The following STUM variants were observed in gnomAD, a reference collection of about 807,000 sequenced individuals.
STUM encodes the protein stum, mechanosensory transduction mediator homolog.
In STUM, 8 loss-of-function variants were observed where a neutral mutation model predicts 15.3. That is an observed-to-expected ratio of 0.52 (90% CI 0.31 to 0.94). The LOEUF (loss-of-function observed/expected upper bound fraction) is 0.94. STUM is among the 40% of genes least tolerant of loss of function. The pLI is 0.05. For synonymous variants in STUM, 78 were observed against 88.7 expected, an observed-to-expected ratio of 0.88 and a Z score of 0.68; for missense variants, 142 against 204.9, an observed-to-expected ratio of 0.69 and a Z score of 1.87.
intron 1 of STUM, among the ~76,000 whole-genome samples, chr1:226,594,963 GGGACTTATGAGGGGAAGTT>G (rs1480141379): frequency 4.6e-5 from 7 of 152,192 alleles, no homozygotes; most frequent in Admixed American, 3.9e-4. Context: ...GCCCTGGAAG[GGGACTTATGAGGGGAAGTT>G]GGCTCATGTG....
chr1:226,548,979 G>C lies in STUM; in HGVS notation c.75G>C (p.Ala25=), dbSNP rs528076537. 1.3e-6 allele frequency: 2 copies of C among 1,522,000 alleles called. No homozygotes were observed. The highest frequency in any genetic ancestry group is 2.5e-5 in the South Asian group (2 of 81,406). The allele number at this position is 1,522,000 out of a possible 1,614,324, so 94.3% of individuals were successfully genotyped here. The part of the protein sequence containing the change: ...AAVAAADPRG[A]SSSSGVVVQV... ...TGGCGGCGGCGGACCCCCGGGGGGC[G>C]TCCTCGTCCAGCGGGGTGGTGGTGC... The change falls in exon 1 of 4, where the codon GCG becomes GCC. Residue 25 remains alanine (A), a synonymous_variant. Coordinates refer to ENST00000366788, the MANE Select transcript of STUM (RefSeq NM_001003665.4).
intron 2 of STUM, among the ~76,000 whole-genome samples, chr1:226,599,803 C>G (rs1184474806): frequency 6.6e-6 from 1 of 152,236 alleles, no homozygotes; most frequent in Non-Finnish European, 1.5e-5. Context: ...CTGCCATGCC[C>G]ATGGCAGACA....
intron 1 of STUM, among the ~76,000 whole-genome samples, chr1:226,596,263 G>GTACTACTAC (rs3068293): frequency 2.0e-5 from 3 of 151,294 alleles, no homozygotes; most frequent in African/African-American, 7.3e-5. Flanking sequence ...ACTGCACAGT[G>GTACTACTAC]TACTACTACT....
chr1:226,556,977 T>C (rs1185103739), intron 1 of STUM, among the ~76,000 whole-genome samples: 1 of 152,258 alleles, frequency 6.6e-6, no homozygotes, highest in Non-Finnish European at 1.5e-5. Context: ...ACACTTTTTG[T>C]GGTGAGGACA....
chr1:226,581,529 AGAGTGTAT>A (rs1447186361), intron 1 of STUM, among the ~76,000 whole-genome samples: 3 of 152,196 alleles, frequency 2.0e-5, no homozygotes, highest in African/African-American at 7.2e-5. Flanking sequence ...TGACAGGGCA[AGAGTGTAT>A]GAGCTTAGCT....
intron 1 of STUM, among the ~76,000 whole-genome samples, chr1:226,580,550 C>T (rs1291942666): frequency 6.6e-6 from 1 of 151,958 alleles, no homozygotes; most frequent in African/African-American, 2.4e-5. Flanking sequence ...CCCCACTCTC[C>T]CTGGCATATA....
chr1:226,600,661 T>C lies in STUM; in HGVS notation c.383-5T>C. 1 of 1,611,238 alleles carries C rather than the reference T, an allele frequency of 6.2e-7. No homozygotes were observed. The highest frequency in any genetic ancestry group is 8.5e-7 in the Non-Finnish European group (1 of 1,180,008). ...CCTGCTGCCTCCCACTCTGTGCTGC[T>C]GCAGTTTCCCAAGGTGAGTCTGCGG... On this transcript the variant is annotated splice_polypyrimidine_tract_variant and splice_region_variant and intron_variant, in intron 2 of 3. Transcript: ENST00000366788. The surrounding 1 kb of genome is among the most constrained non-coding windows in gnomAD (Gnocchi z 5.2).
intron 1 of STUM, among the ~76,000 whole-genome samples, chr1:226,581,185 C>T (rs1407400239): frequency 6.6e-6 from 1 of 152,230 alleles, no homozygotes; most frequent in Non-Finnish European, 1.5e-5. Flanking sequence ...CAAACAGTCT[C>T]ATGGCCTCTC....
chr1:226,601,348 A>G (rs1384849426), intron 3 of STUM, among the ~76,000 whole-genome samples: 1 of 152,100 alleles, frequency 6.6e-6, no homozygotes. Context: ...GATGGTCTCA[A>G]TCTCCTGACA....
At chr1:226,592,152 A>G (rs1275230691) in intron 1 of STUM, among the ~76,000 whole-genome samples, 1 of 152,132 alleles carries the variant, frequency 6.6e-6, no homozygotes, top group Non-Finnish European at 1.5e-5. Context: ...GCTTCAAACG[A>G]TTCTTCTGCC....
At chr1:226,574,429 G>A (rs971376497) in intron 1 of STUM, among the ~76,000 whole-genome samples, 2 of 152,210 alleles carry the variant, frequency 1.3e-5, no homozygotes, top group Non-Finnish European at 1.5e-5. Flanking sequence ...TTCAAAAAGA[G>A]GGCTGTTTTT....
At chr1:226,598,616 T>A (rs567472981) in intron 2 of STUM, among the ~76,000 whole-genome samples, 3 of 152,230 alleles carry the variant, frequency 2.0e-5, no homozygotes, top group Non-Finnish European at 2.9e-5. Context: ...GAAGTGCAGA[T>A]GGGGATCCAG....
intron 2 of STUM, among the ~76,000 whole-genome samples, chr1:226,597,635 G>C (rs1278021952): frequency 6.6e-6 from 1 of 152,186 alleles, no homozygotes; most frequent in Non-Finnish European, 1.5e-5. Context: ...ATGATCTATA[G>C]TCAACTCAGC....
At chr1:226,572,997 G>A (rs1291169955) in intron 1 of STUM, among the ~76,000 whole-genome samples, 1 of 152,222 alleles carries the variant, frequency 6.6e-6, no homozygotes, top group African/African-American at 2.4e-5. Flanking sequence ...GAGGTCACAT[G>A]GGAAGCAGTA....
rs763639074 is a variant in STUM, at chr1:226,600,621, C to T, written c.383-45C>T. On this transcript the variant is annotated intron_variant, in intron 2 of 3. Transcript: ENST00000366788. This position sits in a 1 kb window ranked among gnomAD's most constrained non-coding sequence, Gnocchi z 5.2. ...TTCAGGCTGTGTTTTCTCTTCTTCTCTCTCTCCTCTTCCTCCTGCTGCCTC... is the reference window on the plus strand; with the variant it reads ...TTCAGGCTGTGTTTTCTCTTCTTCTTTCTCTCCTCTTCCTCCTGCTGCCTC... The T allele has an allele frequency of 2.5e-6, 4 of 1,608,860 alleles. No individual in the cohort carries two copies. The highest frequency in any genetic ancestry group is 4.5e-5 in the East Asian group (2 of 44,876).
chr1:226,592,157 T>C (rs940076020), intron 1 of STUM, among the ~76,000 whole-genome samples: 2 of 152,176 alleles, frequency 1.3e-5, no homozygotes, highest in African/African-American at 4.8e-5. Context: ...AAACGATTCT[T>C]CTGCCTCAGC....
chr1:226,593,054 T>C (rs1668115052), intron 1 of STUM, among the ~76,000 whole-genome samples: 2 of 152,074 alleles, frequency 1.3e-5, no homozygotes, highest in Non-Finnish European at 2.9e-5. Context: ...GGCATGATGG[T>C]GCATGCCTGT....
chr1:226,599,588 G>T lies in STUM; in HGVS notation c.383-1078G>T, dbSNP rs837442. Among the ~76,000 whole-genome samples the T allele has an allele frequency of 2.2e-3, 328 of 152,342 alleles. 1 individual carries two copies. Among genetic ancestry groups the T allele is most frequent in the African/African-American group, 7.3e-3 (302 of 41,576 alleles). ...ACACTTTGGCTTTTCGCATGGCATT[G>T]CCTGGGGTGTCATCAGCAAACACAC... On this transcript the variant is annotated intron_variant, in intron 2 of 3. Transcript: ENST00000366788.
intron 1 of STUM, among the ~76,000 whole-genome samples, chr1:226,587,423 A>C (rs1035714288): frequency 1.3e-5 from 2 of 152,052 alleles, no homozygotes; most frequent in African/African-American, 4.8e-5. Flanking sequence ...AAAGGCACAC[A>C]CTAACAGCTG....
Sources: gnomAD v4.1 joint callset for allele counts (sites outside exome capture counted in the v4.1 genomes callset) on GRCh38, gnomAD v4.1.1 for gene constraint, Gnocchi (gnomAD v3.1) non-coding constraint, MANE v1.5 for transcripts, NCBI Gene and HGNC (gene_info 2026-07-23, HGNC 2026-07-21) for gene names.